PARP15: variants seen among roughly 807,000 people sequenced by gnomAD.
The protein encoded by PARP15 is poly(ADP-ribose) polymerase family member 15.
PARP15 carries 50 observed loss-of-function variants against 62.1 expected under a neutral mutation model. The ratio of observed to expected loss-of-function variants is 0.81; its 90% CI spans 0.64 to 1.02. The LOEUF (loss-of-function observed/expected upper bound fraction) is 1.02. Ranked by LOEUF, PARP15 falls within the 50% of genes least tolerant of loss-of-function variation. PARP15 has a pLI of 0.00. For missense variants in PARP15, 820 were observed against 826.5 expected, an observed-to-expected ratio of 0.99 and a Z score of 0.10; for synonymous variants, 309 against 293.1, an observed-to-expected ratio of 1.05 and a Z score of -0.55.
At chr3:122,610,853 C>A in intron 3 of PARP15, 123 bp downstream of exon 3, 1 of 718,670 alleles carries the variant, frequency 1.4e-6, no homozygotes, top group African/African-American at 1.8e-5. Context: ...GTTGTTACAA[C>A]TGCTGCTGGT....
intron 1 of PARP15, among the ~76,000 whole-genome samples, chr3:122,580,230 A>G (rs767687754): frequency 1.4e-4 from 21 of 151,634 alleles, no homozygotes; most frequent in Non-Finnish European, 2.8e-4. Context: ...TACTTGTTCT[A>G]TCAATTATTT....
chr3:122,582,886 G>A (rs1419996757), intron 1 of PARP15, among the ~76,000 whole-genome samples: 1 of 151,266 alleles, frequency 6.6e-6, no homozygotes, highest in African/African-American at 2.4e-5. Flanking sequence ...CTTGTCTTTT[G>A]TTTCTGCTGT....
intron 8 of PARP15, among the ~76,000 whole-genome samples, chr3:122,626,434 G>A (rs1380858257): frequency 1.3e-5 from 2 of 151,968 alleles, no homozygotes; most frequent in African/African-American, 4.8e-5. Context: ...TCCTGACCTC[G>A]TGATCCACCC....
At chr3:122,628,914 TA>T (rs1460137572) in intron 9 of PARP15, among the ~76,000 whole-genome samples, 1 of 152,204 alleles carries the variant, frequency 6.6e-6, no homozygotes, top group Non-Finnish European at 1.5e-5. Flanking sequence ...AAAAAGAACT[TA>T]AAGAGGATAG....
intron 1 of PARP15, among the ~76,000 whole-genome samples, chr3:122,591,542 C>G (rs1041908511): frequency 1.3e-5 from 2 of 152,148 alleles, no homozygotes; most frequent in African/African-American, 2.4e-5. Flanking sequence ...GCGGGCAGAT[C>G]ACGAGGTGAG....
intron 6 of PARP15, among the ~76,000 whole-genome samples, chr3:122,617,458 C>T (rs1280076860): frequency 6.6e-6 from 1 of 152,134 alleles, no homozygotes; most frequent in East Asian, 1.9e-4. Context: ...ACGCATTGTA[C>T]TTAGTGTCAG....
At chr3:122,586,371 T>C (rs562973459) in intron 1 of PARP15, among the ~76,000 whole-genome samples, 1 of 152,154 alleles carries the variant, frequency 6.6e-6, no homozygotes, top group East Asian at 1.9e-4. Context: ...CATGCCCAGC[T>C]AATTTTTTGA....
chr3:122,626,156 T>C (rs1449868493), intron 8 of PARP15, among the ~76,000 whole-genome samples: 1 of 151,984 alleles, frequency 6.6e-6, no homozygotes, highest in African/African-American at 2.4e-5. Context: ...GAGGATGCAT[T>C]CTGGCTAAAT....
At position 122,615,009 on chromosome 3, in the gene PARP15, A is replaced by G. The variant is rs978461352; in HGVS notation, c.772-770A>G. 4 of 921,592 alleles carry G rather than the reference A, an allele frequency of 4.3e-6. No homozygotes were observed. In the African/African-American group the frequency reaches 7.3e-5, roughly 17 times the overall value. The allele number at this position is 921,592 out of a possible 1,614,324, so 57.1% of individuals were successfully genotyped here. On this transcript the variant is annotated intron_variant, in intron 4 of 11. Coordinates refer to ENST00000464300, the MANE Select transcript of PARP15 (RefSeq NM_001113523.3). ...CATGCCACTGCACTCCAGCCTGGGCAACAGAATGAGACTCTGTCTGCAAAA... is the reference window on the plus strand; with the variant it reads ...CATGCCACTGCACTCCAGCCTGGGCGACAGAATGAGACTCTGTCTGCAAAA...
At chr3:122,634,145 C>T (rs1937216896) in intron 10 of PARP15, among the ~76,000 whole-genome samples, 1 of 152,206 alleles carries the variant, frequency 6.6e-6, no homozygotes, top group African/African-American at 2.4e-5. Flanking sequence ...TTGAACCTCT[C>T]TTCTTCCTCT....
At chr3:122,600,930 A>G (rs1440927685) in intron 1 of PARP15, among the ~76,000 whole-genome samples, 2 of 150,266 alleles carry the variant, frequency 1.3e-5, no homozygotes, top group African/African-American at 4.9e-5. Flanking sequence ...AGTGTGATAC[A>G]TTTGTTGCAA....
intron 6 of PARP15, 84 bp downstream of exon 6, chr3:122,617,248 G>A (rs1240577630): frequency 5.1e-6 from 7 of 1,379,410 alleles, no homozygotes; most frequent in South Asian, 1.3e-5. Flanking sequence ...GCCCTGAGTG[G>A]ACAGAGAGTG....
intron 1 of PARP15, among the ~76,000 whole-genome samples, chr3:122,581,756 T>TCCA (rs1932963278): frequency 6.6e-6 from 1 of 152,236 alleles, no homozygotes; most frequent in Non-Finnish European, 1.5e-5. Flanking sequence ...AGTCCATTTG[T>TCCA]TTATTCTTAC....
intron 1 of PARP15, among the ~76,000 whole-genome samples, chr3:122,582,178 C>T (rs959974167): frequency 7.6e-4 from 113 of 149,124 alleles, no homozygotes; most frequent in Non-Finnish European, 1.1e-3. Flanking sequence ...ATGATATTTC[C>T]TTTTTTTTTT....
chr3:122,637,989 C>G lies in PARP15; in HGVS notation c.*1889C>G, dbSNP rs1037018969. ...AACAGGCCCCGGTGTGTGATGTTCC[C>G]CTTCCTGTGTCCATGTGTTCTCATT... is the stretch of plus-strand genomic sequence containing the variant. On this transcript the variant is annotated 3_prime_UTR_variant, in exon 12 of 12. Coordinates refer to ENST00000464300, the MANE Select transcript of PARP15 (RefSeq NM_001113523.3). 9.2e-5 allele frequency: 14 copies of G among 152,270 alleles called. 1 individual carries two copies. The highest frequency in any genetic ancestry group is 8.5e-4 in the Admixed American group (13 of 15,292). 9.4% of individuals were successfully genotyped at this position (152,270 alleles called of 1,614,324 possible).
chr3:122,596,053 G>T (rs557620323), intron 1 of PARP15, among the ~76,000 whole-genome samples: 1 of 151,620 alleles, frequency 6.6e-6, no homozygotes, highest in Non-Finnish European at 1.5e-5. Context: ...ATACCTGGTT[G>T]TCTAAAAGAA....
At chr3:122,578,276 T>C (rs904784611) in intron 1 of PARP15, among the ~76,000 whole-genome samples, 1 of 152,088 alleles carries the variant, frequency 6.6e-6, no homozygotes, top group Non-Finnish European at 1.5e-5. Context: ...CTTTTAGTCA[T>C]ATTTTAATAT....
chr3:122,600,863 G>A (rs766828032), intron 1 of PARP15, among the ~76,000 whole-genome samples: 10 of 150,918 alleles, frequency 6.6e-5, no homozygotes, highest in South Asian at 4.2e-4. Context: ...TAGCGAAAGC[G>A]GAAAATTCTC....
chr3:122,610,800 C>G, intron 3 of PARP15, 70 bp downstream of exon 3: 2 of 1,373,548 alleles, frequency 1.5e-6, no homozygotes, highest in East Asian at 2.5e-5. Context: ...TGGTATAGAT[C>G]TGTGCTCAAG....
Sources: allele counts gnomAD v4.1 joint callset (sites outside exome capture counted in the v4.1 genomes callset), GRCh38; gene constraint gnomAD v4.1.1; transcripts MANE v1.5; gene names NCBI Gene and HGNC (gene_info 2026-07-23, HGNC 2026-07-21).